FAM20C: variants seen among roughly 807,000 people sequenced by gnomAD.
FAM20C encodes FAM20C golgi associated secretory pathway kinase, also known as extracellular serine/threonine protein kinase FAM20C.
In FAM20C, 40 loss-of-function variants were observed where a neutral mutation model predicts 51.5. That is an observed-to-expected ratio of 0.78 (90% confidence interval 0.60 to 1.01). FAM20C has a LOEUF of 1.01. Ranked by LOEUF, FAM20C falls within the 50% of genes least tolerant of loss-of-function variation. FAM20C has a pLI of 0.00. For synonymous variants in FAM20C, 406 were observed against 380.6 expected (o/e 1.07, Z -0.78); for missense variants, 861 against 844.7 (o/e 1.02, Z -0.24).
At position 248,303 on chromosome 7, in the gene FAM20C, G is replaced by A. The variant is rs953743954; in HGVS notation, c.957-12G>A. Reference sequence around the variant, plus strand: ...ACAGAGCACAGACCATTCCCCGCCCGTTTCTTGCCAGGATCCTGGACTTCC... The same window carrying A: ...ACAGAGCACAGACCATTCCCCGCCCATTTCTTGCCAGGATCCTGGACTTCC... On this transcript the variant is annotated splice_polypyrimidine_tract_variant and intron_variant, in intron 4 of 9. Transcript: ENST00000313766. The A allele has an allele frequency of 2.2e-5, 33 of 1,516,814 alleles. No homozygotes were observed. Among genetic ancestry groups the A allele is most frequent in the East Asian group, 2.0e-4 (8 of 40,862 alleles). The allele number at this position is 1,516,814 out of a possible 1,614,324, so 94.0% of individuals were successfully genotyped here.
chr7:245,395 A>G (rs976139210), intron 3 of FAM20C, among the ~76,000 whole-genome samples: 1 of 151,540 alleles, frequency 6.6e-6, no homozygotes, highest in African/African-American at 2.4e-5. Context: ...CTGGCATGGG[A>G]GGACATCCTG....
intron 2 of FAM20C, among the ~76,000 whole-genome samples, chr7:199,320 C>T (rs1167645008): frequency 1.3e-5 from 2 of 152,248 alleles, no homozygotes; most frequent in Non-Finnish European, 2.9e-5. Context: ...TGCCCCTAGA[C>T]AGGTCCTGCA....
rs1291461318 is a variant in FAM20C, at chr7:224,034, TC to T, written c.863+15062del. On this transcript the variant is annotated intron_variant, in intron 3 of 9. Transcript: ENST00000313766. ...CATCACGGGGGTCGCACGGCGGCTGTCCCCTGAGCCTTCTCTCATTGCGCAG... is the reference window on the plus strand; with the variant it reads ...CATCACGGGGGTCGCACGGCGGCTGTCCCTGAGCCTTCTCTCATTGCGCAG... Among the ~76,000 whole-genome samples the T allele has an allele frequency of 6.2e-5, 9 of 144,476 alleles. No individual in the cohort carries two copies. The East Asian group carries it at 1.8e-3, about 28-fold the overall frequency. The allele number at this position is 144,476 out of a possible 152,430, so 94.8% of individuals were successfully genotyped here.
rs778383595 is a variant in FAM20C, at chr7:209,140, T to C, written c.863+164T>C. On this transcript the variant is annotated intron_variant, in intron 3 of 9. Coordinates refer to ENST00000313766, the MANE Select transcript of FAM20C (RefSeq NM_020223.4). ...CGTCATGGCAAACGAGCAACAGAGGTGGCCTCATTTTCTCTCCTCTCCCAC... is the reference window on the plus strand; with the variant it reads ...CGTCATGGCAAACGAGCAACAGAGGCGGCCTCATTTTCTCTCCTCTCCCAC... Among the ~76,000 whole-genome samples the C allele has an allele frequency of 2.6e-5, 4 of 152,008 alleles. No individual in the cohort carries two copies. The East Asian group carries it at 7.7e-4, about 29-fold the overall frequency.
In FAM20C at chr7:260,340, A is replaced by C; in HGVS notation, c.*360A>C. ...CAGATGCCAATCACCTACCAAACCAAACACGAGGACCGCCCTCCCTGGTTC... is the reference window on the plus strand; with the variant it reads ...CAGATGCCAATCACCTACCAAACCACACACGAGGACCGCCCTCCCTGGTTC... On this transcript the variant is annotated 3_prime_UTR_variant, in exon 10 of 10. Transcript: ENST00000313766. The C allele has an allele frequency of 1.2e-5, 2 of 169,788 alleles. No homozygotes were observed. The highest frequency in any genetic ancestry group is 2.5e-5 in the Non-Finnish European group (2 of 80,044). 10.5% of individuals were successfully genotyped at this position (169,788 alleles called of 1,614,324 possible).
chr7:233,947 G>A (rs931134516), intron 3 of FAM20C, among the ~76,000 whole-genome samples: 1 of 152,188 alleles, frequency 6.6e-6, no homozygotes, highest in Non-Finnish European at 1.5e-5. Flanking sequence ...GGCCAGCTCT[G>A]GGGGGAGGGA....
chr7:193,454 G>A lies in FAM20C; in HGVS notation c.255G>A (p.Lys85=). 1 of 1,469,394 alleles carries A rather than the reference G, an allele frequency of 6.8e-7. No individual in the cohort carries two copies. The highest frequency in any genetic ancestry group is 9.1e-7 in the Non-Finnish European group (1 of 1,103,892). The allele number at this position is 1,469,394 out of a possible 1,614,324, so 91.0% of individuals were successfully genotyped here. ...CCGGCGACGCGGGCTGGCCCAACAA[G>A]CACACGCTCCGCATCCTGCAGGACT... is the stretch of plus-strand genomic sequence containing the variant. ...SAAGDAGWPN[K]HTLRILQDFS... Residue 85 remains lysine, a synonymous_variant, in exon 1 of 10, where the codon AAG becomes AAA. Coordinates refer to ENST00000313766, the MANE Select transcript of FAM20C (RefSeq NM_020223.4).
chr7:235,399 GACCTA>G (rs1787817351), intron 3 of FAM20C, among the ~76,000 whole-genome samples: 1 of 152,174 alleles, frequency 6.6e-6, no homozygotes, highest in Non-Finnish European at 1.5e-5. Context: ...GCAGTAACCA[GACCTA>G]CGTCCACGTG....
intron 7 of FAM20C, 112 bp downstream of exon 7, chr7:256,875 C>T (rs1788610615): frequency 7.1e-7 from 1 of 1,409,758 alleles, no homozygotes; most frequent in Non-Finnish European, 9.7e-7. Flanking sequence ...GGTCCTGTGG[C>T]CTGTGAAGGG....
rs890165083 is a variant in FAM20C, at chr7:195,465, A to G, written c.606-89A>G. ...CTGCACTTGCTTGAACCCAAAGTTA[A>G]AAACACTGGCGTCGGTGCCCTCTCC... On this transcript the variant is annotated intron_variant, in intron 1 of 9. Transcript: ENST00000313766. 1.1e-5 allele frequency: 14 copies of G among 1,276,484 alleles called. 1 individual carries two copies. In the African/African-American group the frequency reaches 2.1e-4, roughly 19 times the overall value. 79.1% of individuals were successfully genotyped at this position (1,276,484 alleles called of 1,614,324 possible).
intron 3 of FAM20C, among the ~76,000 whole-genome samples, chr7:219,885 G>A (rs1243387683): frequency 6.6e-6 from 1 of 152,210 alleles, no homozygotes; most frequent in Admixed American, 6.5e-5. Flanking sequence ...TCTCCACTGT[G>A]GCCTCACCGG....
chr7:219,442 C>A (rs1011256096), intron 3 of FAM20C, among the ~76,000 whole-genome samples: 6 of 143,984 alleles, frequency 4.2e-5, no homozygotes. Flanking sequence ...ATGGCCAGCC[C>A]GGGACAGCAA....
At chr7:205,479 A>G (rs1312725957) in intron 2 of FAM20C, among the ~76,000 whole-genome samples, 4 of 152,186 alleles carry the variant, frequency 2.6e-5, no homozygotes, top group Non-Finnish European at 5.9e-5. Context: ...GCCTCGAGCA[A>G]GCCTCCTGCC....
intron 3 of FAM20C, chr7:229,691 G>A (rs750042188): frequency 2.0e-5 from 3 of 152,292 alleles, no homozygotes; most frequent in Admixed American, 6.5e-5. Flanking sequence ...CCAAAAGGTC[G>A]TGCCGGAGTC....
intron 3 of FAM20C, among the ~76,000 whole-genome samples, chr7:236,702 T>C (rs1396861209): frequency 6.6e-6 from 1 of 150,400 alleles, no homozygotes; most frequent in Non-Finnish European, 1.5e-5. Flanking sequence ...ATGGTCGGGG[T>C]TTCATGCGGA....
At chr7:208,383 G>T (rs1304410506) in intron 2 of FAM20C, among the ~76,000 whole-genome samples, 1 of 135,576 alleles carries the variant, frequency 7.4e-6, no homozygotes, top group African/African-American at 2.5e-5. Flanking sequence ...GTGTGTATGG[G>T]TATGTACATG....
intron 3 of FAM20C, among the ~76,000 whole-genome samples, chr7:222,838 T>C (rs1334037191): frequency 6.6e-6 from 1 of 152,034 alleles, no homozygotes; most frequent in Non-Finnish European, 1.5e-5. Flanking sequence ...GGCATGTGTG[T>C]GCATGCATGT....
At chr7:237,312 G>C (rs1177843961) in intron 3 of FAM20C, among the ~76,000 whole-genome samples, 2 of 152,228 alleles carry the variant, frequency 1.3e-5, no homozygotes, top group African/African-American at 4.8e-5. Flanking sequence ...GGGAAGGAGA[G>C]AGGGACAAAG....
intron 3 of FAM20C, among the ~76,000 whole-genome samples, chr7:244,569 C>CG (rs1461414344): frequency 1.3e-5 from 2 of 152,232 alleles, no homozygotes; most frequent in Non-Finnish European, 2.9e-5. Context: ...GCGACCCTGG[C>CG]GGGCAGCATG....
Sources: allele counts gnomAD v4.1 joint callset (sites outside exome capture counted in the v4.1 genomes callset), GRCh38; gene constraint gnomAD v4.1.1; transcripts MANE v1.5; gene names NCBI Gene and HGNC (gene_info 2026-07-23, HGNC 2026-07-21).